Variants in LDAH observed in about 807,000 individuals in gnomAD.
LDAH encodes lipid droplet associated hydrolase, also known as lipid droplet-associated hydrolase.
Under a neutral mutation model 29.6 loss-of-function variants are expected in LDAH, and 26 were observed. That is an observed-to-expected ratio of 0.88 (90% CI 0.64 to 1.22). The LOEUF (loss-of-function observed/expected upper bound fraction) is 1.22. LDAH is among the 50% of genes most tolerant of loss of function. LDAH has a pLI of 0.00. For missense variants in LDAH, 344 were observed against 387.3 expected (o/e 0.89, Z 0.94); for synonymous variants, 117 against 133.0 (o/e 0.88, Z 0.83).
chr2:20,725,474 C>G (rs190004292), intron 5 of LDAH, among the ~76,000 whole-genome samples: 1 of 152,126 alleles, frequency 6.6e-6, no homozygotes, highest in Non-Finnish European at 1.5e-5. Flanking sequence ...AACATGGCAA[C>G]GATGGATTTT....
At chr2:20,753,999 T>C (rs1156252251) in intron 4 of LDAH, among the ~76,000 whole-genome samples, 3 of 152,196 alleles carry the variant, frequency 2.0e-5, no homozygotes, top group Admixed American at 6.5e-5. Flanking sequence ...GGAAGGTTCT[T>C]GCTTATAAAA....
chr2:20,790,146 A>T, intron 3 of LDAH, 109 bp downstream of exon 3: 1 of 1,148,600 alleles, frequency 8.7e-7, no homozygotes, highest in Non-Finnish European at 1.2e-6. Flanking sequence ...CATGGGCCTA[A>T]TGCCACAAGC....
At chr2:20,727,508 A>G (rs1254896807) in intron 5 of LDAH, among the ~76,000 whole-genome samples, 1 of 152,226 alleles carries the variant, frequency 6.6e-6, no homozygotes, top group African/African-American at 2.4e-5. Flanking sequence ...CAACAAAGTA[A>G]TGTAATCTAC....
At position 20,684,944 on chromosome 2, in the gene LDAH, A is replaced by C; in HGVS notation, c.*1959T>G. 6.5e-7 allele frequency: 1 copy of C among 1,549,384 alleles called. No individual in the cohort carries two copies. The highest frequency in any genetic ancestry group is 8.7e-7 in the Non-Finnish European group (1 of 1,146,520). ...TCCACCTATGAAAAAAGCAATGAGA[A>C]AGGTGGCTTTTCACTTTAAAAGAGA... On this transcript the variant is annotated 3_prime_UTR_variant, in exon 7 of 7. Coordinates refer to ENST00000237822, the MANE Select transcript of LDAH (RefSeq NM_021925.4).
intron 6 of LDAH, among the ~76,000 whole-genome samples, chr2:20,696,886 C>A (rs183024073): frequency 4.7e-4 from 72 of 152,244 alleles, no homozygotes; most frequent in Non-Finnish European, 7.6e-4. Flanking sequence ...TCTTACCTCC[C>A]CTCCCATCTT....
chr2:20,714,500 C>G lies in LDAH; in HGVS notation c.704-12848G>C, dbSNP rs547560687. 2.0e-5 allele frequency among the ~76,000 whole-genome samples: 3 copies of G among 152,162 alleles called. No individual in the cohort carries two copies. The South Asian group carries it at 6.2e-4, about 32-fold the overall frequency. On this transcript the variant is annotated intron_variant, in intron 5 of 6. Transcript: ENST00000237822. ...GAGAAGCAAGAGCAAGCAAATTCGACAGCTAGCAGAAGGCAAGAAATAACT... is the reference window on the plus strand; with the variant it reads ...GAGAAGCAAGAGCAAGCAAATTCGAGAGCTAGCAGAAGGCAAGAAATAACT...
rs974284896 is a variant in LDAH at position 20,775,608 on chromosome 2, G to A, written c.299-629C>T. On this transcript the variant is annotated intron_variant, in intron 3 of 6. Coordinates refer to ENST00000237822, the MANE Select transcript of LDAH (RefSeq NM_021925.4). ...AATCTTTATTTATTTAAAGAATCCA[G>A]ATCGAAAAACTTAGGTAGAAATGTT... Among the ~76,000 whole-genome samples the A allele has an allele frequency of 2.0e-5, 3 of 152,148 alleles. No homozygotes were observed. In the East Asian group the frequency reaches 5.8e-4, roughly 29 times the overall value.
At position 20,684,833 on chromosome 2, in the gene LDAH, G is replaced by A. The variant is rs993949519; in HGVS notation, c.*2070C>T. On this transcript the variant is annotated 3_prime_UTR_variant, in exon 7 of 7. Transcript: ENST00000237822. ...GGACATACAGGCAGAGCTGCTTCTG[G>A]AAAATGGATTTCTTCCACTGTTTGT... 23 of 1,532,930 alleles carry A rather than the reference G, an allele frequency of 1.5e-5. No homozygotes were observed. The highest frequency in any genetic ancestry group is 1.9e-5 in the Non-Finnish European group (22 of 1,138,608). 95.0% of individuals were successfully genotyped at this position (1,532,930 alleles called of 1,614,324 possible).
rs546479871 is a variant in LDAH, at chr2:20,802,083, T to A, written c.-2-618A>T. The stretch of plus-strand genomic sequence containing the variant: ...CACACACAATATACATGTATATATA[T>A]ATACATATATACGTTGCCCAGGCTG... On this transcript the variant is annotated intron_variant, in intron 1 of 6. Transcript: ENST00000237822. Among the ~76,000 whole-genome samples the A allele has an allele frequency of 2.0e-5, 3 of 151,726 alleles. No homozygotes were observed. In the South Asian group the frequency reaches 6.2e-4, roughly 32 times the overall value.
intron 3 of LDAH, among the ~76,000 whole-genome samples, chr2:20,778,641 T>C (rs1319527242): frequency 6.6e-6 from 1 of 152,118 alleles, no homozygotes; most frequent in African/African-American, 2.4e-5. Flanking sequence ...GATCATAATC[T>C]ACTAACAGGA....
chr2:20,812,316 T>C (rs1209087741), intron 1 of LDAH, among the ~76,000 whole-genome samples: 2 of 152,208 alleles, frequency 1.3e-5, no homozygotes, highest in Non-Finnish European at 2.9e-5. Flanking sequence ...GTCCCCAAAG[T>C]TTCTGCCCTG....
intron 1 of LDAH, among the ~76,000 whole-genome samples, chr2:20,808,599 A>C (rs956042871): frequency 6.6e-6 from 1 of 151,314 alleles, no homozygotes; most frequent in African/African-American, 2.4e-5. Flanking sequence ...CGGAGCTTGC[A>C]GTGAGCAGAG....
At chr2:20,807,811 C>T (rs1672176868) in intron 1 of LDAH, among the ~76,000 whole-genome samples, 1 of 151,212 alleles carries the variant, frequency 6.6e-6, no homozygotes, top group Admixed American at 6.6e-5. Flanking sequence ...GGTCTGCTAT[C>T]AACACTTCTA....
chr2:20,746,459 T>C (rs751663572), intron 4 of LDAH, among the ~76,000 whole-genome samples: 5 of 152,316 alleles, frequency 3.3e-5, no homozygotes, highest in Non-Finnish European at 7.4e-5. Context: ...AATATGTACA[T>C]TGAATGCGTC....
chr2:20,734,450 A>G (rs955759567), intron 5 of LDAH, among the ~76,000 whole-genome samples: 2 of 152,158 alleles, frequency 1.3e-5, no homozygotes, highest in Non-Finnish European at 2.9e-5. Context: ...TTTGAATAGC[A>G]TTTGAAATGG....
chr2:20,733,155 C>G (rs1308352805), intron 5 of LDAH, among the ~76,000 whole-genome samples: 1 of 151,998 alleles, frequency 6.6e-6, no homozygotes, highest in Non-Finnish European at 1.5e-5. Context: ...ATTTTTGTCT[C>G]ATCACTGTTT....
At chr2:20,785,439 G>A (rs1670481506) in intron 3 of LDAH, among the ~76,000 whole-genome samples, 1 of 152,206 alleles carries the variant, frequency 6.6e-6, no homozygotes, top group Non-Finnish European at 1.5e-5. Flanking sequence ...TTCTTCTACA[G>A]GTAAGGCACT....
intron 6 of LDAH, among the ~76,000 whole-genome samples, chr2:20,695,738 G>A (rs570881972): frequency 5.9e-5 from 9 of 152,198 alleles, no homozygotes; most frequent in African/African-American, 1.4e-4. Context: ...ATGAGCCACC[G>A]TGCCCGGCGG....
chr2:20,788,171 AAAAT>A (rs1467562414), intron 3 of LDAH, among the ~76,000 whole-genome samples: 2 of 152,212 alleles, frequency 1.3e-5, no homozygotes, highest in South Asian at 4.1e-4. Context: ...ATCCATTTTG[AAAAT>A]AAATAGAAAA....
Sources: allele counts gnomAD v4.1 joint callset (sites outside exome capture counted in the v4.1 genomes callset), GRCh38; gene constraint gnomAD v4.1.1; transcripts MANE v1.5; gene names NCBI Gene and HGNC (gene_info 2026-07-23, HGNC 2026-07-21).